The following LRIG1 variants were observed in gnomAD, a reference collection of about 807,000 sequenced individuals.
LRIG1 encodes the protein leucine rich repeats and immunoglobulin like domains 1, also known as leucine-rich repeats and immunoglobulin-like domains protein 1.
In LRIG1, 48 loss-of-function variants were observed where a neutral mutation model predicts 99.2. That is an observed-to-expected ratio of 0.48 (90% CI 0.38 to 0.62). LRIG1 has a LOEUF of 0.62. Among genes scored for constraint, LRIG1 ranks in the 20% least tolerant of loss-of-function variants. LRIG1 has a pLI of 0.00. For missense variants in LRIG1, 1,646 were observed against 1,434.4 expected, an observed-to-expected ratio of 1.15 and a Z score of -2.38; for synonymous variants, 772 against 596.1, an observed-to-expected ratio of 1.29 and a Z score of -4.30.
At chr3:66,401,830 A>G (rs755700074) in intron 9 of LRIG1, 6 of 505,770 alleles carry the variant, frequency 1.2e-5, no homozygotes, top group Non-Finnish European at 2.1e-5. Flanking sequence ...TCACCTGTCA[A>G]ACCTCCCATC....
intron 3 of LRIG1, among the ~76,000 whole-genome samples, chr3:66,451,325 A>G (rs1048556050): frequency 4.6e-5 from 7 of 152,082 alleles, no homozygotes; most frequent in Non-Finnish European, 7.4e-5. Context: ...AAAAAAAGAC[A>G]AAAGACCTAC....
chr3:66,500,120 AACC>A (rs1399174314), intron 1 of LRIG1, 67 bp downstream of exon 1: 2 of 1,274,588 alleles, frequency 1.6e-6, no homozygotes. Flanking sequence ...CCTGAGTACG[AACC>A]CCCGCCGCTC....
chr3:66,381,770 AAGCAGCGTGTTTTCTGCTACTACTTCCC>A, intron 16 of LRIG1, 139 bp from the exon 17 acceptor site: 2 of 922,422 alleles, frequency 2.2e-6, no homozygotes, highest in South Asian at 3.4e-5. Context: ...CTGGTCTGGC[AAGCAGCGTGTTTTCTGCTACTACTTCCC>A]AGCAGGCAGG....
At chr3:66,387,970 G>A (rs946462407) in intron 12 of LRIG1, 4 of 151,076 alleles carry the variant, frequency 2.6e-5, no homozygotes, top group Admixed American at 1.3e-4. Flanking sequence ...AGCCGGGTGT[G>A]GTGGCAGGTG....
At chr3:66,445,005 A>G (rs927182060) in intron 3 of LRIG1, among the ~76,000 whole-genome samples, 1 of 151,126 alleles carries the variant, frequency 6.6e-6, no homozygotes, top group Non-Finnish European at 1.5e-5. Context: ...GTTTTTTTTG[A>G]CTAGGCCTGT....
At chr3:66,463,477 C>T (rs1046982451) in intron 1 of LRIG1, among the ~76,000 whole-genome samples, 9 of 152,180 alleles carry the variant, frequency 5.9e-5, no homozygotes, top group African/African-American at 1.9e-4. Context: ...CCCAGCCATA[C>T]CCTTAGAGGC....
At chr3:66,477,217 CT>C (rs1324011232) in intron 1 of LRIG1, among the ~76,000 whole-genome samples, 1 of 109,124 alleles carries the variant, frequency 9.2e-6, no homozygotes, top group Non-Finnish European at 2.0e-5. Context: ...CCTGTTCTTG[CT>C]CTTACTTAAC....
chr3:66,424,367 G>A (rs1395922949), intron 3 of LRIG1, among the ~76,000 whole-genome samples: 1 of 152,072 alleles, frequency 6.6e-6, no homozygotes, highest in African/African-American at 2.4e-5. Flanking sequence ...CCCCATGAAG[G>A]TTAGAGTAAA....
rs1033350194 is a variant in LRIG1 at position 66,417,021 on chromosome 3, G to A, written c.503+108C>T. The A allele has an allele frequency of 7.6e-6, 11 of 1,444,890 alleles. No individual in the cohort carries two copies. In the South Asian group the frequency reaches 1.4e-4, roughly 18 times the overall value. 89.5% of individuals were successfully genotyped at this position (1,444,890 alleles called of 1,614,324 possible). On this transcript the variant is annotated intron_variant, in intron 4 of 18. Transcript: ENST00000273261. Reference sequence around the variant, plus strand: ...CCACTGACTCGGCCCAGCCGTGGTTGAGAAGGGAAGGAAGCATCCCTCCTG... The same window carrying A: ...CCACTGACTCGGCCCAGCCGTGGTTAAGAAGGGAAGGAAGCATCCCTCCTG...
At chr3:66,477,748 T>C (rs1447996239) in intron 1 of LRIG1, among the ~76,000 whole-genome samples, 2 of 152,020 alleles carry the variant, frequency 1.3e-5, no homozygotes, top group Middle Eastern at 3.2e-3. Context: ...GAGCCAGAAA[T>C]GTAAAATCAC....
chr3:66,454,922 T>C (rs777244474), intron 2 of LRIG1, among the ~76,000 whole-genome samples: 2 of 152,208 alleles, frequency 1.3e-5, no homozygotes, highest in Admixed American at 6.5e-5. Context: ...GCTTCAACAA[T>C]GTCAAACCAA....
At chr3:66,450,885 T>C (rs1006363234) in intron 3 of LRIG1, among the ~76,000 whole-genome samples, 1 of 152,188 alleles carries the variant, frequency 6.6e-6, no homozygotes, top group Non-Finnish European at 1.5e-5. Flanking sequence ...TGGGTGAGTT[T>C]AAAACAAGCA....
In LRIG1 at chr3:66,500,270, A is replaced by T. The variant is rs1454383714; in HGVS notation, c.138T>A (p.Thr46=). ...CGCAGTCCAGCGAGTCCCCAGCGCA[A>T]GTGCAGGCGGCCGCGCAGGGCGCCC... ...GPRAPCAAAC[T]CAGDSLDCGG... Residue 46 remains threonine, a synonymous_variant, in exon 1 of 19, where the codon ACT becomes ACA. Transcript: ENST00000273261. 2.0e-6 allele frequency: 3 copies of T among 1,492,156 alleles called. No homozygotes were observed. The highest frequency in any genetic ancestry group is 2.7e-6 in the Non-Finnish European group (3 of 1,127,578). 92.4% of individuals were successfully genotyped at this position (1,492,156 alleles called of 1,614,324 possible). A position where few individuals can be genotyped will look rare whatever the true frequency, so the allele number is the denominator to read the frequency against.
chr3:66,418,866 A>G (rs1420491974), intron 3 of LRIG1, among the ~76,000 whole-genome samples: 1 of 151,982 alleles, frequency 6.6e-6, no homozygotes, highest in African/African-American at 2.4e-5. Flanking sequence ...CCAAGGGTGC[A>G]ACTCTGCACA....
chr3:66,410,378 GC>G, intron 6 of LRIG1, 106 bp from the exon 7 acceptor site: 1 of 1,112,200 alleles, frequency 9.0e-7, no homozygotes, highest in East Asian at 2.4e-5. Context: ...TCACACCAAG[GC>G]TAGAACAGTG....
At chr3:66,411,223 G>A (rs1045098681) in intron 6 of LRIG1, among the ~76,000 whole-genome samples, 1 of 152,190 alleles carries the variant, frequency 6.6e-6, no homozygotes, top group Non-Finnish European at 1.5e-5. Context: ...ACAAAAGTCC[G>A]TAACCCGAAT....
chr3:66,435,970 G>A (rs142215955), intron 3 of LRIG1, among the ~76,000 whole-genome samples: 3 of 152,328 alleles, frequency 2.0e-5, no homozygotes, highest in East Asian at 1.9e-4. Flanking sequence ...AACTTACACA[G>A]TATGACTGAG....
At chr3:66,435,704 G>C (rs778894335) in intron 3 of LRIG1, among the ~76,000 whole-genome samples, 1 of 152,102 alleles carries the variant, frequency 6.6e-6, no homozygotes, top group Admixed American at 6.5e-5. Flanking sequence ...TCAATATCCT[G>C]GTTATGAAAA....
chr3:66,394,932 A>T (rs1414412132), intron 11 of LRIG1, among the ~76,000 whole-genome samples: 1 of 152,250 alleles, frequency 6.6e-6, no homozygotes, highest in Non-Finnish European at 1.5e-5. Flanking sequence ...ATGAGAATGC[A>T]CAACTTTAGC....
Sources: gnomAD v4.1 joint callset for allele counts (sites outside exome capture counted in the v4.1 genomes callset) on GRCh38, gnomAD v4.1.1 for gene constraint, MANE v1.5 for transcripts, NCBI Gene and HGNC (gene_info 2026-07-23, HGNC 2026-07-21) for gene names.